The following REDIC1 variants were observed in gnomAD, a reference collection of about 807,000 sequenced individuals.
REDIC1 encodes regulator of DNA class I crossover intermediates 1.
At chr12:39,804,703 C>T in the REDIC1 span, among the ~76,000 whole-genome samples, 12 of 152,178 alleles carry the variant, frequency 7.9e-5, no homozygotes, top group Non-Finnish European at 1.6e-4. Context: ...CGTCTGTCCT[C>T]TCAGAGGACA....
At chr12:39,705,938 G>A in the REDIC1 span, among the ~76,000 whole-genome samples, 1 of 151,828 alleles carries the variant, frequency 6.6e-6, no homozygotes, top group African/African-American at 2.4e-5. Flanking sequence ...ATTCAACATA[G>A]TACTCTAAGT....
At chr12:39,906,542 T>C in the REDIC1 span, among the ~76,000 whole-genome samples, 1 of 152,142 alleles carries the variant, frequency 6.6e-6, no homozygotes, top group East Asian at 1.9e-4. Flanking sequence ...AAGAAACAGT[T>C]TTAACTTGAA....
chr12:39,734,411 G>C, the REDIC1 span, among the ~76,000 whole-genome samples: 1 of 152,246 alleles, frequency 6.6e-6, no homozygotes, highest in Non-Finnish European at 1.5e-5. Flanking sequence ...AAGGGCAAAA[G>C]TTTTAAATTT....
chr12:39,827,541 G>A, the REDIC1 span, among the ~76,000 whole-genome samples: 1 of 152,124 alleles, frequency 6.6e-6, no homozygotes, highest in African/African-American at 2.4e-5. Context: ...CTTTTGTGAC[G>A]CTTGGGGATT....
chr12:39,726,235 A>C, the REDIC1 span, among the ~76,000 whole-genome samples: 1 of 151,854 alleles, frequency 6.6e-6, no homozygotes, highest in African/African-American at 2.4e-5. Context: ...ATAGGTATAC[A>C]TGTGCCATGG....
At chr12:39,641,115 A>C in the REDIC1 span, 1 of 699,028 alleles carries the variant, frequency 1.4e-6, no homozygotes, top group Non-Finnish European at 2.4e-6. Context: ...GGTCTTCTAC[A>C]TCCTTGTTGA....
the REDIC1 span, among the ~76,000 whole-genome samples, chr12:39,727,370 G>A: frequency 6.6e-6 from 1 of 152,156 alleles, no homozygotes; most frequent in East Asian, 1.9e-4. Flanking sequence ...TCTGCATATG[G>A]CTAGCCAGTT....
chr12:39,712,228 A>AT, the REDIC1 span, among the ~76,000 whole-genome samples: 1 of 142,404 alleles, frequency 7.0e-6, no homozygotes, highest in South Asian at 2.2e-4. Context: ...ACATGTATAT[A>AT]TACCTATATG....
chr12:39,657,932 T>A, the REDIC1 span, among the ~76,000 whole-genome samples: 1 of 152,156 alleles, frequency 6.6e-6, no homozygotes. Context: ...CTCTGCGTTT[T>A]CTAGTTTTTT....
chr12:39,732,658 G>T, the REDIC1 span, among the ~76,000 whole-genome samples: 1 of 152,118 alleles, frequency 6.6e-6, no homozygotes, highest in Non-Finnish European at 1.5e-5. Flanking sequence ...TATGTACTCA[G>T]TTTTCAAAAT....
the REDIC1 span, among the ~76,000 whole-genome samples, chr12:39,710,053 A>G: frequency 6.6e-6 from 1 of 151,870 alleles, no homozygotes; most frequent in East Asian, 1.9e-4. Flanking sequence ...TTTGATATAG[A>G]TCTTTTTAAA....
chr12:39,902,388 A>G, the REDIC1 span, among the ~76,000 whole-genome samples: 2 of 152,000 alleles, frequency 1.3e-5, no homozygotes, highest in South Asian at 4.1e-4. Flanking sequence ...AGATATGTAC[A>G]TACACATGAA....
the REDIC1 span, among the ~76,000 whole-genome samples, chr12:39,678,570 C>T: frequency 6.6e-6 from 1 of 150,672 alleles, no homozygotes; most frequent in Non-Finnish European, 1.5e-5. Context: ...AGAGAATCCT[C>T]CCTAAATCAT....
the REDIC1 span, among the ~76,000 whole-genome samples, chr12:39,706,649 T>C: frequency 6.6e-6 from 1 of 151,624 alleles, no homozygotes. Flanking sequence ...GGTACCAGCA[T>C]AAAACAGACA....
At chr12:39,666,794 G>T in the REDIC1 span, among the ~76,000 whole-genome samples, 1 of 152,178 alleles carries the variant, frequency 6.6e-6, no homozygotes, top group South Asian at 2.1e-4. Flanking sequence ...TTTAGTCTTG[G>T]GAGAGTGTAT....
chr12:39,654,896 A>G, the REDIC1 span, among the ~76,000 whole-genome samples: 112,070 of 152,014 alleles, frequency 0.74, 42,724 homozygotes, highest in Non-Finnish European at 0.84. Flanking sequence ...ACACTTAATT[A>G]CTAATTCATT....
the REDIC1 span, among the ~76,000 whole-genome samples, chr12:39,841,123 C>G: frequency 6.6e-6 from 1 of 152,112 alleles, no homozygotes; most frequent in East Asian, 1.9e-4. Flanking sequence ...TAAGATTCAA[C>G]TGACTCCTGA....
At chr12:39,656,526 G>A in the REDIC1 span, among the ~76,000 whole-genome samples, 1 of 152,176 alleles carries the variant, frequency 6.6e-6, no homozygotes, top group African/African-American at 2.4e-5. Flanking sequence ...AATGGTTTAT[G>A]TATTTATTAT....
chr12:39,670,822 CT>C, the REDIC1 span, among the ~76,000 whole-genome samples: 1 of 150,782 alleles, frequency 6.6e-6, no homozygotes, highest in East Asian at 2.0e-4. Context: ...TCTGTTTGAT[CT>C]AATCTATTGA....
Sources: gnomAD v4.1 joint callset for allele counts (sites outside exome capture counted in the v4.1 genomes callset) on GRCh38, gnomAD v4.1.1 for gene constraint, MANE v1.5 for transcripts, NCBI Gene and HGNC (gene_info 2026-07-23, HGNC 2026-07-21) for gene names.